Variants in LTBP1 observed in about 807,000 individuals in gnomAD.
The protein encoded by LTBP1 is latent transforming growth factor beta binding protein 1.
In LTBP1, 129 loss-of-function variants were observed where a neutral mutation model predicts 207.6. The observed-to-expected ratio is 0.62, with a 90% CI of 0.54 to 0.72. LTBP1 has a LOEUF of 0.72. Among genes scored for constraint, LTBP1 ranks in the 30% least tolerant of loss-of-function variants. The pLI is 0.00. For missense variants in LTBP1, 2,281 were observed against 2,217.2 expected, an observed-to-expected ratio of 1.03 and a Z score of -0.58; for synonymous variants, 963 against 833.7, an observed-to-expected ratio of 1.16 and a Z score of -2.67.
At chr2:33,318,942 T>G (rs1201789757) in intron 24 of LTBP1, among the ~76,000 whole-genome samples, 1 of 151,794 alleles carries the variant, frequency 6.6e-6, no homozygotes, top group Non-Finnish European at 1.5e-5. Context: ...AAAGAAAAAT[T>G]TTTTTTAATT....
chr2:33,244,723 A>G (rs996802132), intron 10 of LTBP1, among the ~76,000 whole-genome samples: 29 of 152,326 alleles, frequency 1.9e-4, no homozygotes, highest in African/African-American at 6.3e-4. Flanking sequence ...GCTGAGTAGC[A>G]TGACTATAGA....
intron 2 of LTBP1, among the ~76,000 whole-genome samples, chr2:32,975,650 T>A (rs1410980702): frequency 3.6e-5 from 5 of 139,382 alleles, no homozygotes; most frequent in Non-Finnish European, 7.7e-5. Flanking sequence ...AGAGAATCAG[T>A]GTTCAGGCTC....
intron 7 of LTBP1, among the ~76,000 whole-genome samples, chr2:33,199,840 C>T (rs562215167): frequency 3.9e-4 from 59 of 152,240 alleles, no homozygotes; most frequent in African/African-American, 9.4e-4. Context: ...AACAGACAAA[C>T]AGAGAGCCAA....
intron 8 of LTBP1, among the ~76,000 whole-genome samples, chr2:33,219,919 G>A (rs370356199): frequency 8.6e-5 from 13 of 151,574 alleles, no homozygotes; most frequent in South Asian, 8.3e-4. Flanking sequence ...CTAGAATTGC[G>A]TCATTTTTAT....
chr2:33,239,587 C>T lies in LTBP1; in HGVS notation c.1877-4075C>T, dbSNP rs1009800500. On this transcript the variant is annotated intron_variant, in intron 9 of 33. Transcript: ENST00000404816. The stretch of plus-strand genomic sequence containing the variant: ...GAATCTGTTGAGGAAGGTTTGTTGA[C>T]GCTTTAAAATATGAGACTTGGCCGG... Among the ~76,000 whole-genome samples, 14 of 152,040 alleles carry T rather than the reference C, an allele frequency of 9.2e-5. 1 individual carries two copies. The highest frequency in any genetic ancestry group is 3.9e-4 in the East Asian group (2 of 5,182).
intron 20 of LTBP1, among the ~76,000 whole-genome samples, chr2:33,297,890 A>G (rs1376615597): frequency 6.6e-6 from 1 of 152,120 alleles, no homozygotes; most frequent in Non-Finnish European, 1.5e-5. Flanking sequence ...ATCTTTCCCT[A>G]GTTTTCATGA....
intron 3 of LTBP1, among the ~76,000 whole-genome samples, chr2:33,091,459 G>C (rs949118548): frequency 5.9e-5 from 9 of 152,192 alleles, no homozygotes; most frequent in Admixed American, 5.9e-4. Context: ...CCCATGAGTA[G>C]AAGAGCTGAG....
At position 33,185,433 on chromosome 2, in the gene LTBP1, A is replaced by G. The variant is rs1476873366; in HGVS notation, c.1202-1423A>G. Among the ~76,000 whole-genome samples the G allele has an allele frequency of 2.0e-5, 3 of 152,220 alleles. No individual in the cohort carries two copies. The South Asian group carries it at 6.2e-4, about 32-fold the overall frequency. On this transcript the variant is annotated intron_variant, in intron 5 of 33. Transcript: ENST00000404816. ...ATATGGTGACACATAGTTGTAGACAATTTGAAGCTCGGAAGAAAGCTTTGA... is the reference window on the plus strand; with the variant it reads ...ATATGGTGACACATAGTTGTAGACAGTTTGAAGCTCGGAAGAAAGCTTTGA...
intron 3 of LTBP1, among the ~76,000 whole-genome samples, chr2:33,050,475 T>A (rs2076679510): frequency 6.6e-6 from 1 of 152,184 alleles, no homozygotes; most frequent in Admixed American, 6.5e-5. Flanking sequence ...ACAACTCACC[T>A]GTACATTAGA....
At position 33,353,482 on chromosome 2, in the gene LTBP1, C is replaced by T. The variant is rs774296732; in HGVS notation, c.4000+5972C>T. On this transcript the variant is annotated intron_variant, in intron 26 of 33. Transcript: ENST00000404816. ...CTGCAAAACAGCTCACTGCTGAGCA[C>T]GGCGCCTGATGGATGGTAGACACTC... 3.9e-5 allele frequency among the ~76,000 whole-genome samples: 6 copies of T among 152,322 alleles called. No individual in the cohort carries two copies. In the South Asian group the frequency reaches 8.3e-4, roughly 21 times the overall value.
At chr2:33,129,051 C>G (rs2081605544) in intron 4 of LTBP1, among the ~76,000 whole-genome samples, 1 of 152,118 alleles carries the variant, frequency 6.6e-6, no homozygotes, top group Non-Finnish European at 1.5e-5. Flanking sequence ...ACACCTGGAA[C>G]AGCCTGGAAC....
At chr2:33,033,014 A>C (rs999572420) in intron 3 of LTBP1, among the ~76,000 whole-genome samples, 1 of 152,212 alleles carries the variant, frequency 6.6e-6, no homozygotes, top group Non-Finnish European at 1.5e-5. Context: ...TAGGATGTTC[A>C]TGAAAAACAA....
intron 33 of LTBP1, 145 bp downstream of exon 33, chr2:33,397,427 G>A: frequency 1.4e-6 from 1 of 714,308 alleles, no homozygotes; most frequent in Non-Finnish European, 2.3e-6. Flanking sequence ...AGTACAGTAT[G>A]AATATACTTA....
chr2:33,389,714 A>G lies in LTBP1; in HGVS notation c.4834+408A>G, dbSNP rs556941133. On this transcript the variant is annotated intron_variant, in intron 32 of 33. Coordinates refer to ENST00000404816, the MANE Select transcript of LTBP1 (RefSeq NM_206943.4). ...GAGTGCAGTGGCACGATCTCAGCTC[A>G]CTGCAACCTCCACCTCCCGGATTCA... is the stretch of plus-strand genomic sequence containing the variant. 4.5e-3 allele frequency among the ~76,000 whole-genome samples: 689 copies of G among 152,286 alleles called. 2 individuals carry two copies. Among genetic ancestry groups the G allele is most frequent in the African/African-American group, 0.016 (660 of 41,578 alleles).
chr2:33,246,759 C>G (rs1448620192), intron 10 of LTBP1, among the ~76,000 whole-genome samples: 2 of 152,200 alleles, frequency 1.3e-5, no homozygotes, highest in Non-Finnish European at 2.9e-5. Context: ...AATTCCTTGA[C>G]TGCAGCCAAA....
At chr2:33,249,856 T>C (rs1466810730) in intron 10 of LTBP1, among the ~76,000 whole-genome samples, 1 of 152,248 alleles carries the variant, frequency 6.6e-6, no homozygotes, top group African/African-American at 2.4e-5. Context: ...TCCTCAGTTT[T>C]ATTCGATTCT....
At chr2:33,219,187 A>G (rs1326128118) in intron 8 of LTBP1, among the ~76,000 whole-genome samples, 2 of 152,174 alleles carry the variant, frequency 1.3e-5, no homozygotes, top group African/African-American at 4.8e-5. Flanking sequence ...AGTTCCTCAT[A>G]ATTAATGAAT....
At chr2:33,243,824 T>C (rs560847781) in intron 10 of LTBP1, 40 bp downstream of exon 10, 1 of 1,611,572 alleles carries the variant, frequency 6.2e-7, no homozygotes, top group East Asian at 2.2e-5. Flanking sequence ...TTGGATTAAT[T>C]GTCTTTGGGG....
chr2:33,341,729 A>AAAAAAAAAAAATATATAT (rs745445793), intron 24 of LTBP1, among the ~76,000 whole-genome samples: 7 of 93,634 alleles, frequency 7.5e-5, no homozygotes, highest in African/African-American at 3.6e-4. Context: ...AAAAAAAAAA[A>AAAAAAAAAAAATATATAT]ATATATATAT....
Sources: allele counts gnomAD v4.1 joint callset (sites outside exome capture counted in the v4.1 genomes callset), GRCh38; gene constraint gnomAD v4.1.1; transcripts MANE v1.5; gene names NCBI Gene and HGNC (gene_info 2026-07-23, HGNC 2026-07-21).